INPP4B: variants seen among roughly 807,000 people sequenced by gnomAD.
INPP4B encodes inositol polyphosphate 4-phosphatase type II.
A neutral mutation model predicts 122.5 loss-of-function variants in INPP4B; 55 were observed. The ratio of observed to expected loss-of-function variants is 0.45; its 90% CI spans 0.36 to 0.56. INPP4B has a LOEUF of 0.56. INPP4B is among the 20% of genes least tolerant of loss of function. INPP4B has a pLI of 0.00. For missense variants in INPP4B, 1,000 were observed against 1,097.7 expected, an observed-to-expected ratio of 0.91 and a Z score of 1.26; for synonymous variants, 403 against 388.7, an observed-to-expected ratio of 1.04 and a Z score of -0.43.
chr4:142,060,300 GC>G (rs1179153532), intron 25 of INPP4B, among the ~76,000 whole-genome samples: 2 of 151,968 alleles, frequency 1.3e-5, no homozygotes, highest in Admixed American at 1.3e-4. Flanking sequence ...GCTCATTTAG[GC>G]CACCATTCTT....
chr4:142,616,173 T>C (rs190861076), intron 2 of INPP4B, among the ~76,000 whole-genome samples: 7 of 152,254 alleles, frequency 4.6e-5, no homozygotes, highest in Admixed American at 2.6e-4. Context: ...ATGAAATCTC[T>C]TGGTGCTGCC....
intron 11 of INPP4B, among the ~76,000 whole-genome samples, chr4:142,255,251 T>C (rs1434313556): frequency 6.6e-6 from 1 of 151,926 alleles, no homozygotes; most frequent in Middle Eastern, 3.2e-3. Flanking sequence ...TGCAAAATCA[T>C]GCCAAAATGT....
intron 1 of INPP4B, among the ~76,000 whole-genome samples, chr4:142,785,027 A>G (rs1469260789): frequency 1.3e-5 from 2 of 152,282 alleles, no homozygotes; most frequent in East Asian, 1.9e-4. Flanking sequence ...CTGTACAGCA[A>G]TGTCAACAGG....
In INPP4B at chr4:142,263,730, G is replaced by A. The variant is rs994684896; in HGVS notation, c.616-3166C>T. ...TCACAAAAATAATGCAGAGAAAGGCGATAGAAAGCTCTGAGGTAGACACTG... is the reference window on the plus strand; with the variant it reads ...TCACAAAAATAATGCAGAGAAAGGCAATAGAAAGCTCTGAGGTAGACACTG... On this transcript the variant is annotated intron_variant, in intron 10 of 25. Transcript: ENST00000262992. 2.2e-5 allele frequency among the ~76,000 whole-genome samples: 3 copies of A among 136,488 alleles called. No homozygotes were observed. In the Admixed American group the frequency reaches 2.4e-4, roughly 11 times the overall value. 89.5% of individuals were successfully genotyped at this position (136,488 alleles called of 152,430 possible).
chr4:142,651,473 G>A (rs1752946374), intron 2 of INPP4B, among the ~76,000 whole-genome samples: 2 of 151,972 alleles, frequency 1.3e-5, no homozygotes, highest in Non-Finnish European at 2.9e-5. Context: ...TAGACCACTA[G>A]CAAGAATAAT....
chr4:142,083,545 T>G (rs1775223846), intron 24 of INPP4B, among the ~76,000 whole-genome samples: 2 of 152,198 alleles, frequency 1.3e-5, no homozygotes, highest in Admixed American at 1.3e-4. Flanking sequence ...ACAAAGGTCT[T>G]CTTTATTATC....
In INPP4B at chr4:142,139,073, C is replaced by T. The variant is rs150221039; in HGVS notation, c.1720+6767G>A. Among the ~76,000 whole-genome samples the T allele has an allele frequency of 6.6e-3, 1,002 of 152,130 alleles. 5 individuals carry two copies. Among genetic ancestry groups the T allele is most frequent in the African/African-American group, 0.023 (965 of 41,496 alleles). On this transcript the variant is annotated intron_variant, in intron 18 of 25. Coordinates refer to ENST00000262992, the MANE Select transcript of INPP4B (RefSeq NM_001101669.3). ...TGGAAGATCTCTCACTAGGTATATC[C>T]CTTCAAATAGAACTTACTCATGTAC...
intron 1 of INPP4B, among the ~76,000 whole-genome samples, chr4:142,778,741 G>A (rs1774324734): frequency 6.6e-6 from 1 of 152,056 alleles, no homozygotes; most frequent in African/African-American, 2.4e-5. Flanking sequence ...CTACTTTGTT[G>A]AAAATCATTA....
chr4:142,736,305 T>C (rs1247824615), intron 1 of INPP4B, among the ~76,000 whole-genome samples: 1 of 152,118 alleles, frequency 6.6e-6, no homozygotes, highest in African/African-American at 2.4e-5. Flanking sequence ...CTAATTTCTA[T>C]GAAACTTGCT....
intron 25 of INPP4B, among the ~76,000 whole-genome samples, chr4:142,067,166 A>G (rs1763988319): frequency 6.6e-6 from 1 of 152,188 alleles, no homozygotes; most frequent in Non-Finnish European, 1.5e-5. Context: ...CCCTTCTGCA[A>G]TATTTGCTGT....
chr4:142,544,767 G>A lies in INPP4B; in HGVS notation c.-190-82041C>T, dbSNP rs142947777. Reference sequence around the variant, plus strand: ...ATTGAGACTGCGCCTGCCAGAGGAGGGGACTAAAGGAAGATTGAGTGTTGA... The same window carrying A: ...ATTGAGACTGCGCCTGCCAGAGGAGAGGACTAAAGGAAGATTGAGTGTTGA... On this transcript the variant is annotated intron_variant, in intron 2 of 25. Transcript: ENST00000262992. Among the ~76,000 whole-genome samples the A allele has an allele frequency of 7.4e-4, 113 of 152,202 alleles. No individual in the cohort carries two copies. In the Middle Eastern group the frequency reaches 0.017, roughly 23 times the overall value.
chr4:142,488,617 A>AT (rs371171974), intron 2 of INPP4B, among the ~76,000 whole-genome samples: 6 of 151,984 alleles, frequency 3.9e-5, no homozygotes, highest in African/African-American at 1.2e-4. Flanking sequence ...TTAAGTTGTG[A>AT]TTTTTTAAGA....
At chr4:142,283,371 G>A (rs2322703) in intron 9 of INPP4B, among the ~76,000 whole-genome samples, 79,773 of 151,998 alleles carry the variant, frequency 0.52, 25,454 homozygotes, top group Non-Finnish European at 0.69. Flanking sequence ...TCATTAGGTC[G>A]TTGGATATTA....
At chr4:142,813,906 G>C (rs527319170) in intron 1 of INPP4B, among the ~76,000 whole-genome samples, 1 of 152,116 alleles carries the variant, frequency 6.6e-6, no homozygotes, top group Non-Finnish European at 1.5e-5. Flanking sequence ...CATGATACTA[G>C]TTTCTCTAAT....
At chr4:142,456,861 G>A (rs1184148355) in intron 3 of INPP4B, among the ~76,000 whole-genome samples, 1 of 151,884 alleles carries the variant, frequency 6.6e-6, no homozygotes, top group African/African-American at 2.4e-5. Context: ...ACCATATATG[G>A]AAAGGCAAAG....
At chr4:142,777,465 A>G (rs1458751556) in intron 1 of INPP4B, among the ~76,000 whole-genome samples, 3 of 152,080 alleles carry the variant, frequency 2.0e-5, no homozygotes, top group Non-Finnish European at 4.4e-5. Context: ...CAATAATCAC[A>G]TGATCTTGGA....
chr4:142,059,564 T>A (rs1386816279), intron 25 of INPP4B, among the ~76,000 whole-genome samples: 1 of 152,160 alleles, frequency 6.6e-6, no homozygotes, highest in Non-Finnish European at 1.5e-5. Context: ...TAATATGCAC[T>A]CAAAAATTGC....
chr4:142,727,459 A>G (rs1765482152), intron 1 of INPP4B, among the ~76,000 whole-genome samples: 1 of 148,848 alleles, frequency 6.7e-6, no homozygotes, highest in South Asian at 2.2e-4. Flanking sequence ...TGGAGGAAAC[A>G]CATCTGTGGA....
chr4:142,166,584 A>G (rs1379997361), intron 16 of INPP4B, among the ~76,000 whole-genome samples: 2 of 152,034 alleles, frequency 1.3e-5, no homozygotes, highest in East Asian at 3.9e-4. Context: ...GAAAGGAACT[A>G]TCAACAGAGT....
Sources: allele counts gnomAD v4.1 joint callset (sites outside exome capture counted in the v4.1 genomes callset), GRCh38; gene constraint gnomAD v4.1.1; transcripts MANE v1.5; gene names NCBI Gene and HGNC (gene_info 2026-07-23, HGNC 2026-07-21).